The following IGF1 variants were observed in gnomAD, a reference collection of about 807,000 sequenced individuals.
The protein encoded by IGF1 is insulin-like growth factor 1.
A neutral mutation model predicts 13.8 loss-of-function variants in IGF1; 4 were observed. The observed-to-expected ratio is 0.29, with a 90% confidence interval of 0.14 to 0.66. The LOEUF (loss-of-function observed/expected upper bound fraction) is 0.66. IGF1 is among the 30% of genes least tolerant of loss of function. The pLI is 0.78. For missense variants in IGF1, 124 were observed against 188.5 expected (o/e 0.66, Z 2.00); for synonymous variants, 76 against 72.6 (o/e 1.05, Z -0.23).
rs752869775 is a variant in IGF1, at chr12:102,397,472, T to A, written c.*5035A>T. The A allele has an allele frequency of 7.2e-5, 11 of 152,320 alleles. No individual in the cohort carries two copies. Among genetic ancestry groups the A allele is most frequent in the Admixed American group, 3.3e-4 (5 of 15,296 alleles). The allele number at this position is 152,320 out of a possible 1,614,324, so 9.4% of individuals were successfully genotyped here. A position where few individuals can be genotyped will look rare whatever the true frequency, so the allele number is the denominator to read the frequency against. On this transcript the variant is annotated 3_prime_UTR_variant, in exon 4 of 4. Transcript: ENST00000337514. ...AAATTGATATCTTTATCCTGTACCATATGCACTTAAAGCTTCTGACAGTCT... is the reference window on the plus strand; with the variant it reads ...AAATTGATATCTTTATCCTGTACCAAATGCACTTAAAGCTTCTGACAGTCT...
chr12:102,456,827 G>A (rs1460882237), intron 2 of IGF1, among the ~76,000 whole-genome samples: 1 of 152,070 alleles, frequency 6.6e-6, no homozygotes, highest in Non-Finnish European at 1.5e-5. Flanking sequence ...CCAAAGGAAG[G>A]GGCATGAATG....
At position 102,396,559 on chromosome 12, in the gene IGF1, G is replaced by C; in HGVS notation, c.*5948C>G. 1 of 248,746 alleles carries C rather than the reference G, an allele frequency of 4.0e-6. No homozygotes were observed. Among genetic ancestry groups the C allele is most frequent in the Non-Finnish European group, 7.6e-6 (1 of 131,874 alleles). The allele number at this position is 248,746 out of a possible 1,614,324, so 15.4% of individuals were successfully genotyped here. On this transcript the variant is annotated 3_prime_UTR_variant, in exon 4 of 4. Transcript: ENST00000337514. ...AATGGGTGGCTTGAAAGGGATTTTAGAGCTCTGTTTTTATTTTTCCTACTT... is the reference window on the plus strand; with the variant it reads ...AATGGGTGGCTTGAAAGGGATTTTACAGCTCTGTTTTTATTTTTCCTACTT...
chr12:102,466,501 C>T (rs1880331982), intron 2 of IGF1, among the ~76,000 whole-genome samples: 1 of 152,058 alleles, frequency 6.6e-6, no homozygotes, highest in Non-Finnish European at 1.5e-5. Context: ...GCTCCCTCTC[C>T]CAGCAAAAAA....
chr12:102,446,456 G>T (rs1000235594), intron 2 of IGF1, among the ~76,000 whole-genome samples: 1 of 152,146 alleles, frequency 6.6e-6, no homozygotes, highest in Non-Finnish European at 1.5e-5. Context: ...TCTTGGCAGG[G>T]TGTATGTGTC....
At chr12:102,480,281 G>T in intron 1 of IGF1, 38 bp downstream of exon 1, 1 of 1,585,438 alleles carries the variant, frequency 6.3e-7, no homozygotes, top group South Asian at 1.1e-5. Flanking sequence ...AATTTAAATA[G>T]AATTCCCCAA....
At chr12:102,426,092 T>G (rs1471288660) in intron 2 of IGF1, among the ~76,000 whole-genome samples, 1 of 152,200 alleles carries the variant, frequency 6.6e-6, no homozygotes, top group Non-Finnish European at 1.5e-5. Context: ...ATTTAGAACA[T>G]ATTACAGAAT....
intron 2 of IGF1, among the ~76,000 whole-genome samples, chr12:102,473,420 A>G (rs78611929): frequency 0.034 from 5,166 of 152,306 alleles, 121 homozygotes; most frequent in African/African-American, 0.042. Flanking sequence ...AAAATAATCT[A>G]AATGGACTAA....
At chr12:102,476,231 A>G (rs753981641) in intron 1 of IGF1, among the ~76,000 whole-genome samples, 4 of 152,220 alleles carry the variant, frequency 2.6e-5, no homozygotes, top group Admixed American at 1.3e-4. Flanking sequence ...TTGTTAATTT[A>G]AATTCTCTCA....
At chr12:102,415,499 G>A (rs1034427464) in intron 3 of IGF1, among the ~76,000 whole-genome samples, 1 of 143,940 alleles carries the variant, frequency 6.9e-6, no homozygotes, top group Non-Finnish European at 1.5e-5. Flanking sequence ...TAGTTTGCTA[G>A]TTAAGCATTC....
At chr12:102,469,805 T>A (rs1346191746) in intron 2 of IGF1, among the ~76,000 whole-genome samples, 1 of 152,080 alleles carries the variant, frequency 6.6e-6, no homozygotes, top group Non-Finnish European at 1.5e-5. Flanking sequence ...TTCTCATTTG[T>A]CCCATGAAGC....
chr12:102,440,772 G>A (rs142605247), intron 2 of IGF1, among the ~76,000 whole-genome samples: 6 of 152,188 alleles, frequency 3.9e-5, no homozygotes, highest in Admixed American at 6.5e-5. Flanking sequence ...CAGTTTCCCC[G>A]TATTTAAGTG....
At chr12:102,466,402 T>C (rs1047631565) in intron 2 of IGF1, among the ~76,000 whole-genome samples, 5 of 152,188 alleles carry the variant, frequency 3.3e-5, no homozygotes, top group African/African-American at 7.2e-5. Flanking sequence ...GCAAACATTC[T>C]TGATGGTCGT....
At chr12:102,464,609 T>A (rs960359277) in intron 2 of IGF1, among the ~76,000 whole-genome samples, 1 of 151,714 alleles carries the variant, frequency 6.6e-6, no homozygotes, top group South Asian at 2.1e-4. Context: ...TTCAAAAGTG[T>A]TACAACTGCA....
intron 2 of IGF1, among the ~76,000 whole-genome samples, chr12:102,447,079 G>T (rs1878414055): frequency 6.6e-6 from 1 of 152,148 alleles, no homozygotes; most frequent in Admixed American, 6.5e-5. Context: ...ATTGCACTGT[G>T]GTTGGAGAGA....
At chr12:102,419,753 C>T in intron 2 of IGF1, 63 bp from the exon 3 acceptor site, 2 of 1,508,976 alleles carry the variant, frequency 1.3e-6, no homozygotes, top group Non-Finnish European at 1.8e-6. Context: ...AGTCTTCCAC[C>T]CAGCTCCTGC....
intron 2 of IGF1, among the ~76,000 whole-genome samples, chr12:102,436,760 G>A (rs961869418): frequency 1.2e-4 from 19 of 152,214 alleles, no homozygotes; most frequent in Non-Finnish European, 1.5e-5. Flanking sequence ...TCTCGAGCGA[G>A]TGATAGAATC....
intron 3 of IGF1, chr12:102,415,612 C>CTCCT (rs1024138373): frequency 1.6e-5 from 1 of 61,092 alleles, no homozygotes; most frequent in Non-Finnish European, 3.6e-5. Context: ...CCCTCCCTCC[C>CTCCT]TCCTTCCTTC....
intron 2 of IGF1, chr12:102,423,225 T>C (rs1380449063): frequency 3.4e-5 from 4 of 118,590 alleles, no homozygotes; most frequent in African/African-American, 1.3e-4. Flanking sequence ...CAAGATGCTC[T>C]AAACACTTTT....
At chr12:102,465,424 G>T (rs1470111761) in intron 2 of IGF1, among the ~76,000 whole-genome samples, 1 of 152,180 alleles carries the variant, frequency 6.6e-6, no homozygotes, top group Non-Finnish European at 1.5e-5. Context: ...ACTTCTCCAA[G>T]GTCATAGAAC....
Sources: gnomAD v4.1 joint callset for allele counts (sites outside exome capture counted in the v4.1 genomes callset) on GRCh38, gnomAD v4.1.1 for gene constraint, MANE v1.5 for transcripts, NCBI Gene and HGNC (gene_info 2026-07-23, HGNC 2026-07-21) for gene names.